Variants in NLGN4Y observed in about 807,000 individuals in gnomAD.
The protein encoded by NLGN4Y is neuroligin-4, Y-linked.
In NLGN4Y, 4 loss-of-function variants were observed where a neutral mutation model predicts 8.4. The ratio of observed to expected loss-of-function variants is 0.48; its 90% CI spans 0.23 to 1.09. NLGN4Y has a LOEUF of 1.09. Among genes scored for constraint, NLGN4Y ranks in the 50% least tolerant of loss-of-function variants. The pLI is 0.19. For missense variants in NLGN4Y, 90 were observed against 192.3 expected (o/e 0.47, Z 3.15); for synonymous variants, 35 against 75.6 (o/e 0.46, Z 2.78).
At chrY:14,816,711 G>A in intron 4 of NLGN4Y, among the ~76,000 whole-genome samples, 4 of 33,378 alleles carry the variant, frequency 1.2e-4, no homozygotes, top group Admixed American at 8.1e-4. Flanking sequence ...CTCCACAAAC[G>A]AACTTCCATC....
intron 1 of NLGN4Y, among the ~76,000 whole-genome samples, chrY:14,576,150 G>A: frequency 5.9e-5 from 2 of 33,930 alleles, no homozygotes; most frequent in African/African-American, 2.3e-4. Context: ...GCAGAGTTTT[G>A]TGCTGCCTTT....
chrY:14,600,490 C>T, intron 1 of NLGN4Y, among the ~76,000 whole-genome samples: 1 of 31,540 alleles, frequency 3.2e-5, no homozygotes, highest in East Asian at 8.0e-4. Flanking sequence ...AGTTTGAAGA[C>T]ATGTATGCAT....
intron 2 of NLGN4Y, among the ~76,000 whole-genome samples, chrY:14,651,641 A>G (rs994868897): frequency 3.0e-5 from 1 of 32,940 alleles, no homozygotes; most frequent in Non-Finnish European, 7.5e-5. Context: ...TTTCCTTTTA[A>G]TACTTGTAAA....
At chrY:14,673,446 C>T in intron 2 of NLGN4Y, among the ~76,000 whole-genome samples, 1 of 33,666 alleles carries the variant, frequency 3.0e-5, no homozygotes, top group South Asian at 6.7e-4. Flanking sequence ...CATCACTGGC[C>T]ATCAGAGAAA....
chrY:14,747,989 C>T, intron 4 of NLGN4Y, among the ~76,000 whole-genome samples: 1 of 33,450 alleles, frequency 3.0e-5, no homozygotes, highest in Non-Finnish European at 7.4e-5. Flanking sequence ...TTCTTTATTC[C>T]TTATCAGGTC....
At chrY:14,787,008 ATTAT>A (rs369196387) in intron 4 of NLGN4Y, among the ~76,000 whole-genome samples, 155 of 21,461 alleles carry the variant, frequency 7.2e-3, no homozygotes, top group Non-Finnish European at 0.015. Context: ...TTCTTCCTTC[ATTAT>A]TTATTTATTT....
At chrY:14,617,725 T>A in intron 1 of NLGN4Y, among the ~76,000 whole-genome samples, 1 of 32,439 alleles carries the variant, frequency 3.1e-5, no homozygotes, top group Non-Finnish European at 7.5e-5. Flanking sequence ...GTGCTCTGTT[T>A]CAGAGAGATG....
intron 4 of NLGN4Y, among the ~76,000 whole-genome samples, chrY:14,723,630 G>C: frequency 3.0e-5 from 1 of 33,849 alleles, no homozygotes; most frequent in Non-Finnish European, 7.3e-5. Context: ...ATCTACATAA[G>C]TGTGTATAAT....
At chrY:14,797,541 C>T (rs2043016543) in intron 4 of NLGN4Y, among the ~76,000 whole-genome samples, 1 of 33,360 alleles carries the variant, frequency 3.0e-5, no homozygotes, top group Non-Finnish European at 7.4e-5. Context: ...CGTGATCTGC[C>T]GGCCTAGGCC....
At chrY:14,594,436 C>T (rs2080386893) in intron 1 of NLGN4Y, among the ~76,000 whole-genome samples, 1 of 33,434 alleles carries the variant, frequency 3.0e-5, no homozygotes, top group Admixed American at 2.7e-4. Flanking sequence ...ATTTTCTGAC[C>T]TCTCTGAACC....
At chrY:14,703,568 G>A (rs2080863404) in intron 2 of NLGN4Y, among the ~76,000 whole-genome samples, 22 of 33,544 alleles carry the variant, frequency 6.6e-4, no homozygotes, top group Non-Finnish European at 2.9e-4. Flanking sequence ...CTGTAGCCTT[G>A]TAGTATAGTT....
In NLGN4Y at chrY:14,783,659, A is replaced by T. The variant is rs758994788; in HGVS notation, c.686-40529A>T. Among the ~76,000 whole-genome samples the T allele has an allele frequency of 7.6e-4, 26 of 34,173 alleles. No homozygotes were observed. In the South Asian group the frequency reaches 0.017, roughly 22 times the overall value. 91.7% of individuals were successfully genotyped at this position (34,173 alleles called of 37,273 possible). On this transcript the variant is annotated intron_variant, in intron 4 of 6. Transcript: ENST00000684976. ...ATTTTTAAGGATGAGACATGCATTT[A>T]AAAAGGACATCTGTATCTTCTTTCA... is the stretch of plus-strand genomic sequence containing the variant.
chrY:14,647,517 T>C, intron 2 of NLGN4Y, among the ~76,000 whole-genome samples: 1 of 33,597 alleles, frequency 3.0e-5, no homozygotes, highest in Admixed American at 2.7e-4. Context: ...AAATAAAATA[T>C]CATCTTTTCA....
At chrY:14,524,319 C>T, upstream of NLGN4Y, 1 of 85,429 alleles carries the variant, frequency 1.2e-5, no homozygotes, top group African/African-American at 1.1e-4. Flanking sequence ...GAATCCGTTC[C>T]AATAGGCACA....
At chrY:14,700,888 A>C in intron 2 of NLGN4Y, among the ~76,000 whole-genome samples, 1 of 33,171 alleles carries the variant, frequency 3.0e-5, no homozygotes, top group Middle Eastern at 0.014. Context: ...AATAGGAGTA[A>C]AAAGGGAAGG....
chrY:14,736,978 AT>A, intron 4 of NLGN4Y, among the ~76,000 whole-genome samples: 1 of 33,606 alleles, frequency 3.0e-5, no homozygotes, highest in South Asian at 6.6e-4. Context: ...TTACTCAGAA[AT>A]AAGGGGATTC....
chrY:14,656,861 G>A (rs2080655788), intron 2 of NLGN4Y, among the ~76,000 whole-genome samples: 1 of 30,296 alleles, frequency 3.3e-5, no homozygotes, highest in Non-Finnish European at 7.9e-5. Context: ...CAGATGTATT[G>A]CAATGTTGTA....
chrY:14,746,485 A>G (rs2081024603), intron 4 of NLGN4Y, among the ~76,000 whole-genome samples: 1 of 33,711 alleles, frequency 3.0e-5, no homozygotes, highest in Non-Finnish European at 7.4e-5. Context: ...CTGATGGGTC[A>G]TGTATGGCAG....
intron 1 of NLGN4Y, among the ~76,000 whole-genome samples, chrY:14,548,354 T>C: frequency 1.2e-4 from 4 of 33,005 alleles, no homozygotes; most frequent in African/African-American, 4.8e-4. Flanking sequence ...AGGCTGAGAT[T>C]GGAGGATCAG....
Sources: allele counts gnomAD v4.1 joint callset (sites outside exome capture counted in the v4.1 genomes callset), GRCh38; gene constraint gnomAD v4.1.1; transcripts MANE v1.5; gene names NCBI Gene and HGNC (gene_info 2026-07-23, HGNC 2026-07-21).